Variants in CRACDL observed in about 807,000 individuals in gnomAD.
CRACDL encodes the protein CRACD like.
Under a neutral mutation model 70.6 loss-of-function variants are expected in CRACDL, and 26 were observed. That is an observed-to-expected ratio of 0.37 (90% CI 0.27 to 0.51). The LOEUF (loss-of-function observed/expected upper bound fraction) is 0.51. Ranked by LOEUF, CRACDL falls within the 20% of genes least tolerant of loss-of-function variation. CRACDL has a pLI of 0.94. For synonymous variants in CRACDL, 618 were observed against 615.2 expected, an observed-to-expected ratio of 1.00 and a Z score of -0.07; for missense variants, 1,283 against 1,376.9, an observed-to-expected ratio of 0.93 and a Z score of 1.08.
chr2:98,871,929 T>C (rs927718826), intron 1 of CRACDL, among the ~76,000 whole-genome samples: 1 of 152,104 alleles, frequency 6.6e-6, no homozygotes, highest in African/African-American at 2.4e-5. Flanking sequence ...TGAGTGTCCA[T>C]CAACAAATGA....
At chr2:98,817,938 A>C (rs1314158001) in intron 7 of CRACDL, among the ~76,000 whole-genome samples, 1 of 152,212 alleles carries the variant, frequency 6.6e-6, no homozygotes. Context: ...ACCCAGAAAC[A>C]AGACAGACTA....
At chr2:98,929,426 G>A (rs1709015856) in intron 1 of CRACDL, among the ~76,000 whole-genome samples, 1 of 152,196 alleles carries the variant, frequency 6.6e-6, no homozygotes, top group Admixed American at 6.5e-5. Flanking sequence ...AGCCCAGAGA[G>A]CAGCCCAGTA....
chr2:98,888,512 A>T (rs1573148538), intron 1 of CRACDL, among the ~76,000 whole-genome samples: 1 of 152,272 alleles, frequency 6.6e-6, no homozygotes, highest in Middle Eastern at 3.4e-3. Flanking sequence ...GAAAATAACT[A>T]AAAAAATGGT....
At chr2:98,808,330 T>C (rs942253065) in intron 7 of CRACDL, among the ~76,000 whole-genome samples, 4 of 152,160 alleles carry the variant, frequency 2.6e-5, no homozygotes, top group Non-Finnish European at 4.4e-5. Flanking sequence ...ACTCTCACAG[T>C]CTGGGATTCA....
intron 7 of CRACDL, among the ~76,000 whole-genome samples, chr2:98,815,342 TG>T (rs1285352130): frequency 6.6e-6 from 1 of 152,262 alleles, no homozygotes; most frequent in Admixed American, 6.5e-5. Context: ...GTCAGTTTTA[TG>T]CATGTGCAGC....
chr2:98,801,403 C>T (rs1704069591), intron 7 of CRACDL, among the ~76,000 whole-genome samples: 1 of 152,180 alleles, frequency 6.6e-6, no homozygotes, highest in Non-Finnish European at 1.5e-5. Flanking sequence ...TGAGCATCAC[C>T]TTCCACAGTG....
At chr2:98,875,172 G>A (rs883773) in intron 1 of CRACDL, among the ~76,000 whole-genome samples, 60,501 of 152,102 alleles carry the variant, frequency 0.4, 13,022 homozygotes, top group African/African-American at 0.56. Flanking sequence ...CTCACTGTCA[G>A]GGGCAGGCAC....
rs1254497009 is a variant in CRACDL at position 98,822,893 on chromosome 2, G to A, written c.1380C>T (p.Pro460=). Residue 460 remains proline, a synonymous_variant, in exon 7 of 10, where the codon CCC becomes CCT. Transcript: ENST00000397899. This position sits in a 1 kb window ranked among gnomAD's most constrained non-coding sequence, Gnocchi z 4.9. ...EKGPPGPAPE[P]EREAETEPER... ...CGGGCTCCGTCTCCGCTTCTCTCTC[G>A]GGCTCAGGCGCCGGCCCTGGGGGCC... The A allele has an allele frequency of 2.0e-6, 3 of 1,470,390 alleles. No individual in the cohort carries two copies. Among genetic ancestry groups the A allele is most frequent in the East Asian group, 5.4e-5 (2 of 37,260 alleles). The allele number at this position is 1,470,390 out of a possible 1,614,324, so 91.1% of individuals were successfully genotyped here.
At chr2:98,863,781 C>T (rs1707025918) in intron 1 of CRACDL, among the ~76,000 whole-genome samples, 1 of 152,084 alleles carries the variant, frequency 6.6e-6, no homozygotes. Context: ...AGGACATAAC[C>T]CCATCGTAAG....
intron 1 of CRACDL, chr2:98,869,048 C>T (rs1396315860): frequency 1.6e-6 from 2 of 1,288,290 alleles, no homozygotes; most frequent in East Asian, 5.6e-5. Flanking sequence ...CGACTCTCCC[C>T]CACCACCTCT....
chr2:98,916,791 G>A (rs1708676613), intron 1 of CRACDL, among the ~76,000 whole-genome samples: 1 of 152,150 alleles, frequency 6.6e-6, no homozygotes, highest in East Asian at 1.9e-4. Context: ...GCCAGGAGAG[G>A]AGCGAGTCCC....
chr2:98,828,317 A>G (rs1705397649), intron 5 of CRACDL, among the ~76,000 whole-genome samples: 1 of 152,236 alleles, frequency 6.6e-6, no homozygotes, highest in South Asian at 2.1e-4. Flanking sequence ...GTGATCTTCA[A>G]GCAAGCCTTC....
intron 7 of CRACDL, among the ~76,000 whole-genome samples, chr2:98,816,667 C>T (rs1038429187): frequency 1.3e-5 from 2 of 152,042 alleles, no homozygotes; most frequent in Non-Finnish European, 2.9e-5. Context: ...GGAGAGGTCG[C>T]TTTGTACTGG....
chr2:98,898,237 A>G (rs1411918717), intron 1 of CRACDL, among the ~76,000 whole-genome samples: 3 of 152,260 alleles, frequency 2.0e-5, no homozygotes, highest in Non-Finnish European at 4.4e-5. Context: ...ATAAAAGAGA[A>G]AAAACAGCAA....
intron 7 of CRACDL, among the ~76,000 whole-genome samples, chr2:98,805,315 G>A (rs1284054087): frequency 1.3e-5 from 2 of 152,090 alleles, no homozygotes; most frequent in African/African-American, 4.8e-5. Flanking sequence ...CCTAAGACAG[G>A]AGTCACTAGG....
chr2:98,800,479 A>C (rs1704027606), intron 7 of CRACDL, among the ~76,000 whole-genome samples: 1 of 152,114 alleles, frequency 6.6e-6, no homozygotes, highest in Non-Finnish European at 1.5e-5. Context: ...AATCAGTCTG[A>C]CTGTAGAGGG....
chr2:98,858,560 A>G (rs886215155), intron 1 of CRACDL, among the ~76,000 whole-genome samples: 25 of 151,782 alleles, frequency 1.6e-4, no homozygotes, highest in African/African-American at 5.6e-4. Flanking sequence ...AATCGCTATC[A>G]TAACTTTCCA....
At chr2:98,903,890 G>T (rs1708344272) in intron 1 of CRACDL, among the ~76,000 whole-genome samples, 1 of 152,220 alleles carries the variant, frequency 6.6e-6, no homozygotes, top group African/African-American at 2.4e-5. Flanking sequence ...AAGAAATGCT[G>T]CTGCATTCAG....
chr2:98,794,675 C>T lies in CRACDL; in HGVS notation c.2750-4G>A, dbSNP rs1480666721. On this transcript the variant is annotated splice_region_variant and splice_polypyrimidine_tract_variant and intron_variant, in intron 9 of 9. Transcript: ENST00000397899. ...TCCATCATCACTGCAGACTGAGCTG[C>T]TTGGAAGGGAGACAAAACCAACAGA... is the stretch of plus-strand genomic sequence containing the variant. 5 of 1,604,522 alleles carry T rather than the reference C, an allele frequency of 3.1e-6. No individual in the cohort carries two copies. The South Asian group carries it at 5.6e-5, about 18-fold the overall frequency.
Sources: gnomAD v4.1 joint callset for allele counts (sites outside exome capture counted in the v4.1 genomes callset) on GRCh38, gnomAD v4.1.1 for gene constraint, Gnocchi (gnomAD v3.1) non-coding constraint, MANE v1.5 for transcripts, NCBI Gene and HGNC (gene_info 2026-07-23, HGNC 2026-07-21) for gene names.